Variants in ZBTB1 observed in about 807,000 individuals in gnomAD.
ZBTB1 encodes zinc finger and BTB domain-containing protein 1.
ZBTB1 carries 13 observed loss-of-function variants against 51.6 expected under a neutral mutation model. That is an observed-to-expected ratio of 0.25 (90% CI 0.16 to 0.40). The LOEUF (loss-of-function observed/expected upper bound fraction) is 0.40, where lower values mean the gene tolerates loss of function less well. Among genes scored for constraint, ZBTB1 ranks in the 10% least tolerant of loss-of-function variants. ZBTB1 has a pLI of 1.00. For synonymous variants in ZBTB1, 240 were observed against 282.2 expected, an observed-to-expected ratio of 0.85 and a Z score of 1.50; for missense variants, 567 against 856.5, an observed-to-expected ratio of 0.66 and a Z score of 4.22.
intron 1 of ZBTB1, among the ~76,000 whole-genome samples, chr14:64,520,995 G>A (rs2079854783): frequency 6.6e-6 from 1 of 151,912 alleles, no homozygotes; most frequent in Non-Finnish European, 1.5e-5. Context: ...CCAAGTAACT[G>A]GGACTACAGG....
At chr14:64,517,769 ATATATATATATATTTTT>A (rs1415768370) in intron 1 of ZBTB1, among the ~76,000 whole-genome samples, 1 of 65,930 alleles carries the variant, frequency 1.5e-5, no homozygotes, top group African/African-American at 6.8e-5. Flanking sequence ...ATATATATAT[ATATATATATATATTTTT>A]TTTTTTTTTT....
downstream of ZBTB1, among the ~76,000 whole-genome samples, chr14:64,529,002 C>T (rs2079924415): frequency 6.6e-6 from 1 of 152,198 alleles, no homozygotes; most frequent in Non-Finnish European, 1.5e-5. Flanking sequence ...GCTCCTTGTT[C>T]ATCTGTCATC....
intron 1 of ZBTB1, among the ~76,000 whole-genome samples, chr14:64,513,299 A>G (rs1015387792): frequency 1.3e-4 from 20 of 152,172 alleles, no homozygotes; most frequent in Non-Finnish European, 2.8e-4. Context: ...ACATCTCCCT[A>G]TACATCTGCC....
At chr14:64,507,942 C>T (rs941533153) in intron 1 of ZBTB1, among the ~76,000 whole-genome samples, 12 of 152,276 alleles carry the variant, frequency 7.9e-5, no homozygotes, top group African/African-American at 2.9e-4. Context: ...TCCTCTTGAT[C>T]AGCACCAAAG....
At chr14:64,507,500 C>G in intron 1 of ZBTB1, among the ~76,000 whole-genome samples, 1 of 152,136 alleles carries the variant, frequency 6.6e-6, no homozygotes, top group East Asian at 1.9e-4. Flanking sequence ...CAGTTAATTC[C>G]TTGTTTAAAA....
intron 1 of ZBTB1, among the ~76,000 whole-genome samples, chr14:64,521,181 A>G (rs999200860): frequency 6.6e-6 from 1 of 152,190 alleles, no homozygotes; most frequent in Non-Finnish European, 1.5e-5. Flanking sequence ...GTATTTTTAA[A>G]TTAATGTCTT....
Position 64,512,101 on chromosome 14 carries a change from T to C in ZBTB1, c.-19+7155T>C, listed in dbSNP as rs566683824. On this transcript the variant is annotated intron_variant, in intron 1 of 1. Coordinates refer to ENST00000683701, the MANE Select transcript of ZBTB1 (RefSeq NM_001123329.2). ...CTATAAACTGTAATTATGACATTAA[T>C]TTTTTTTAAATTGTACTGTGCTTGG... is the stretch of plus-strand genomic sequence containing the variant. Among the ~76,000 whole-genome samples the C allele has an allele frequency of 2.0e-5, 3 of 152,222 alleles. No individual in the cohort carries two copies. The South Asian group carries it at 6.2e-4, about 32-fold the overall frequency.
rs2079878634 is a variant in ZBTB1, at chr14:64,523,413, T to C, written c.1909T>C (p.Ser637Pro). 1 of 1,614,112 alleles carries C rather than the reference T, an allele frequency of 6.2e-7. No individual in the cohort carries two copies. The highest frequency in any genetic ancestry group is 8.5e-7 in the Non-Finnish European group (1 of 1,180,030). The change falls in exon 2 of 2, where the codon TCC becomes CCC. Residue 637 changes from serine to proline, a missense_variant. By Grantham distance (74) the Ser-to-Pro change is moderately conservative (BLOSUM62 -1). This residue lies in a region of ZBTB1 where 69 missense variants were observed against 171.8 expected (regional missense o/e 0.40). Coordinates refer to ENST00000683701, the MANE Select transcript of ZBTB1 (RefSeq NM_001123329.2). The surrounding 1 kb of genome is among the most constrained non-coding windows in gnomAD (Gnocchi z 4.5). Reference sequence around the variant, plus strand: ...CAAAGGCATGGCCAGGTATGTCTGTTCCATTTGTGATCAAGGAAACTTCAG... The same window carrying C: ...CAAAGGCATGGCCAGGTATGTCTGTCCCATTTGTGATCAAGGAAACTTCAG... ...MHKGMARYVC[S>P]ICDQGNFRKH... is the part of the protein sequence containing the mutation.
rs907441322 is a variant in ZBTB1, at chr14:64,516,716, T to C, written c.-18-4771T>C. On this transcript the variant is annotated intron_variant, in intron 1 of 1. Coordinates refer to ENST00000683701, the MANE Select transcript of ZBTB1 (RefSeq NM_001123329.2). ...TACAGAATACTTGTGCTACTGCTGA[T>C]GATCAACACTTTATACAGTGCCTGG... 3 of 152,238 alleles carry C rather than the reference T, an allele frequency of 2.0e-5. No homozygotes were observed. In the South Asian group the frequency reaches 6.2e-4, roughly 31 times the overall value. The allele number at this position is 152,238 out of a possible 1,614,324, so 9.4% of individuals were successfully genotyped here. A position where few individuals can be genotyped will look rare whatever the true frequency, so the allele number is the denominator to read the frequency against.
At chr14:64,514,646 A>G (rs1456593256) in intron 1 of ZBTB1, among the ~76,000 whole-genome samples, 1 of 152,248 alleles carries the variant, frequency 6.6e-6, no homozygotes, top group Non-Finnish European at 1.5e-5. Context: ...GAACACATCT[A>G]TTGAATAAGA....
intron 1 of ZBTB1, among the ~76,000 whole-genome samples, chr14:64,517,781 A>ATATATATATATATATTTTT (rs1160337478): frequency 2.4e-5 from 1 of 41,562 alleles, no homozygotes; most frequent in East Asian, 7.8e-4. Context: ...ATATATATAT[A>ATATATATATATATATTTTT]TTTTTTTTTT....
In ZBTB1 at chr14:64,521,825, C is replaced by T. The variant is rs920624409; in HGVS notation, c.321C>T (p.Tyr107=). 2.2e-5 allele frequency: 35 copies of T among 1,611,864 alleles called. No individual in the cohort carries two copies. The highest frequency in any genetic ancestry group is 2.7e-5 in the Non-Finnish European group (32 of 1,180,030). The change falls in exon 2 of 2, where the codon TAC becomes TAT. Residue 107 remains tyrosine (Y), a synonymous_variant. Transcript: ENST00000683701. ...FKVAMNYLQL[Y]NVPDCLEDIQ... is the part of the protein sequence containing the mutation. ...TGGCAATGAACTACCTACAGCTATACAATGTTCCTGACTGTTTAGAAGACA... is the reference window on the plus strand; with the variant it reads ...TGGCAATGAACTACCTACAGCTATATAATGTTCCTGACTGTTTAGAAGACA...
chr14:64,533,034 T>G (rs767184609), exon 3 of ZBTB1: 5 of 152,266 alleles, frequency 3.3e-5, no homozygotes, highest in Admixed American at 2.0e-4. Context: ...TGACTATTTA[T>G]TCCAATGTTT....
At chr14:64,517,781 A>ATATATTTATTTTTTTTTTTT (rs1160337478) in intron 1 of ZBTB1, among the ~76,000 whole-genome samples, 1 of 41,550 alleles carries the variant, frequency 2.4e-5, no homozygotes, top group Non-Finnish European at 4.6e-5. Flanking sequence ...ATATATATAT[A>ATATATTTATTTTTTTTTTTT]TTTTTTTTTT....
intron 1 of ZBTB1, among the ~76,000 whole-genome samples, chr14:64,512,441 C>G (rs182218430): frequency 5.1e-4 from 78 of 152,274 alleles, no homozygotes; most frequent in Non-Finnish European, 6.9e-4. Flanking sequence ...TCACACTGCT[C>G]CTTGGATCTC....
intron 1 of ZBTB1, among the ~76,000 whole-genome samples, chr14:64,508,810 T>C (rs571458987): frequency 2.1e-4 from 32 of 152,138 alleles, no homozygotes; most frequent in Non-Finnish European, 4.1e-4. Flanking sequence ...ATAAGCAAAA[T>C]AAAACTTACC....
At chr14:64,504,261 CG>C (rs200908965), upstream of ZBTB1, among the ~76,000 whole-genome samples, 3,172 of 101,248 alleles carry the variant, frequency 0.031, 34 homozygotes, top group Middle Eastern at 0.06. Context: ...AAGGTGGGGT[CG>C]GGGGGGCGCG....
chr14:64,505,869 CAGTACAAGA>C (rs1247984619), intron 1 of ZBTB1, among the ~76,000 whole-genome samples: 1 of 152,158 alleles, frequency 6.6e-6, no homozygotes, highest in Non-Finnish European at 1.5e-5. Context: ...CGGTATGTAT[CAGTACAAGA>C]AATAGTGTTC....
At position 64,524,403 on chromosome 14, in the gene ZBTB1, ATAGT is replaced by A. The variant is rs1340503502; in HGVS notation, c.*760_*763del. On this transcript the variant is annotated 3_prime_UTR_variant, in exon 2 of 2. Transcript: ENST00000683701. ...TTTTGTGATATTAAATTTAACTATG[ATAGT>A]TAATTAAAAAGACATATCTTGTATT... is the stretch of plus-strand genomic sequence containing the variant. 1.7e-5 allele frequency: 14 copies of A among 804,510 alleles called. No homozygotes were observed. Among genetic ancestry groups the A allele is most frequent in the African/African-American group, 1.9e-5 (1 of 53,520 alleles). 49.8% of individuals were successfully genotyped at this position (804,510 alleles called of 1,614,324 possible). A position where few individuals can be genotyped will look rare whatever the true frequency, so the allele number is the denominator to read the frequency against.
Sources: allele counts gnomAD v4.1 joint callset (sites outside exome capture counted in the v4.1 genomes callset), GRCh38; gene constraint gnomAD v4.1.1; regional missense constraint gnomAD v4.1.1; non-coding constraint Gnocchi (gnomAD v3.1); transcripts MANE v1.5; gene names NCBI Gene and HGNC (gene_info 2026-07-23, HGNC 2026-07-21).